Variants in SCYL2 observed in about 807,000 individuals in gnomAD.
The protein encoded by SCYL2 is SCY1 like pseudokinase 2.
A neutral mutation model predicts 100.4 loss-of-function variants in SCYL2; 36 were observed. The ratio of observed to expected loss-of-function variants is 0.36; its 90% CI spans 0.27 to 0.47. SCYL2 has a LOEUF of 0.47. Among genes scored for constraint, SCYL2 ranks in the 20% least tolerant of loss-of-function variants. SCYL2 has a pLI of 1.00. For synonymous variants in SCYL2, 330 were observed against 359.2 expected, an observed-to-expected ratio of 0.92 and a Z score of 0.92; for missense variants, 902 against 1,083.9, an observed-to-expected ratio of 0.83 and a Z score of 2.36.
Position 100,287,235 on chromosome 12 carries a change from G to GC in SCYL2, c.177+4089dup, listed in dbSNP as rs1327219457. Among the ~76,000 whole-genome samples, 6 of 152,306 alleles carry GC rather than the reference G, an allele frequency of 3.9e-5. 1 individual carries two copies. The highest frequency in any genetic ancestry group is 1.4e-4 in the African/African-American group (6 of 41,572). ...ACTTAAGTATCTTGTTATCAACAGA[G>GC]CTCAACTTTGTAGTAAGCAAAATAG... On this transcript the variant is annotated intron_variant, in intron 2 of 17. Coordinates refer to ENST00000360820, the MANE Select transcript of SCYL2 (RefSeq NM_017988.6).
chr12:100,341,270 A>G lies in SCYL2; in HGVS notation c.*2098A>G, dbSNP rs1952349606. 6.6e-6 allele frequency: 1 copy of G among 151,998 alleles called. No individual in the cohort carries two copies. The highest frequency in any genetic ancestry group is 6.6e-5 in the Admixed American group (1 of 15,258). The allele number at this position is 151,998 out of a possible 1,614,324, so 9.4% of individuals were successfully genotyped here. A position where few individuals can be genotyped will look rare whatever the true frequency, so the allele number is the denominator to read the frequency against. On this transcript the variant is annotated 3_prime_UTR_variant, in exon 18 of 18. Coordinates refer to ENST00000360820, the MANE Select transcript of SCYL2 (RefSeq NM_017988.6). ...GAAATTGCCTCTGAAAAATAGTGCT[A>G]TTTTTCAGCTTAAGTGTTCTTAAGT...
intron 3 of SCYL2, 111 bp downstream of exon 3, chr12:100,291,771 A>C: frequency 4.9e-6 from 5 of 1,010,562 alleles, no homozygotes; most frequent in Non-Finnish European, 7.1e-6. Flanking sequence ...TTATACTCTA[A>C]GTGTTGAGTT....
rs1365756225 is a variant in SCYL2, at chr12:100,341,292, A to T, written c.*2120A>T. ...GCTATTTTTCAGCTTAAGTGTTCTT[A>T]AGTGAATGAAATTTTCAAAGTACTA... On this transcript the variant is annotated 3_prime_UTR_variant, in exon 18 of 18. Coordinates refer to ENST00000360820, the MANE Select transcript of SCYL2 (RefSeq NM_017988.6). The T allele has an allele frequency of 6.6e-6, 1 of 152,138 alleles. No homozygotes were observed. Among genetic ancestry groups the T allele is most frequent in the Non-Finnish European group, 1.5e-5 (1 of 67,980 alleles). The allele number at this position is 152,138 out of a possible 1,614,324, so 9.4% of individuals were successfully genotyped here.
chr12:100,271,973 G>C (rs563168343), intron 1 of SCYL2, among the ~76,000 whole-genome samples: 5 of 152,108 alleles, frequency 3.3e-5, no homozygotes, highest in Non-Finnish European at 5.9e-5. Flanking sequence ...TCAGCTACCT[G>C]CTGTCAGATG....
rs1031924820 is a variant in SCYL2, at chr12:100,267,335, G to A, written c.-486G>A. The A allele has an allele frequency of 2.6e-6, 1 of 382,032 alleles. No homozygotes were observed. Among genetic ancestry groups the A allele is most frequent in the African/African-American group, 2.1e-5 (1 of 48,074 alleles). The allele number at this position is 382,032 out of a possible 1,614,324, so 23.7% of individuals were successfully genotyped here. The stretch of plus-strand genomic sequence containing the variant: ...AAGGCAGAGCAGGAACAGCCAGGAG[G>A]CGTTTATTAGGGGGGCGGGGGGAAA... On this transcript the variant is annotated 5_prime_UTR_variant, in exon 1 of 18. Transcript: ENST00000360820.
intron 2 of SCYL2, among the ~76,000 whole-genome samples, chr12:100,290,901 GGATGTGTGCTTT>G (rs2096309777): frequency 6.6e-6 from 1 of 152,148 alleles, no homozygotes; most frequent in African/African-American, 2.4e-5. Flanking sequence ...ATGGTAAGGA[GGATGTGTGCTTT>G]TAGTAGTATA....
chr12:100,313,343 A>C lies in SCYL2; in HGVS notation c.853-79A>C, dbSNP rs913473872. On this transcript the variant is annotated intron_variant, in intron 6 of 17. Transcript: ENST00000360820. ...TATATTTGTAGTAAAATATTGAGTA[A>C]ATTTTTAAATGTTTTCTTAAATGTA... 4.9e-6 allele frequency: 3 copies of C among 612,080 alleles called. No individual in the cohort carries two copies. In the Admixed American group the frequency reaches 8.7e-5, roughly 18 times the overall value. 37.9% of individuals were successfully genotyped at this position (612,080 alleles called of 1,614,324 possible). A position where few individuals can be genotyped will look rare whatever the true frequency, so the allele number is the denominator to read the frequency against.
chr12:100,311,065 T>C lies in SCYL2; in HGVS notation c.502T>C (p.Leu168=). 6.3e-7 allele frequency: 1 copy of C among 1,586,676 alleles called. No homozygotes were observed. The highest frequency in any genetic ancestry group is 8.6e-7 in the Non-Finnish European group (1 of 1,169,236). Residue 168 remains leucine, a synonymous_variant, in exon 5 of 18, where the codon TTG becomes CTG. Transcript: ENST00000360820. ...LLQVSEGLSF[L]HSSVKMVHGN... is the part of the protein sequence containing the mutation. Reference sequence around the variant, plus strand: ...ACAGGTTTCTGAAGGATTGTCATTCTTGCATAGCAGTGTGAAAATGGTGCA... The same window carrying C: ...ACAGGTTTCTGAAGGATTGTCATTCCTGCATAGCAGTGTGAAAATGGTGCA...
chr12:100,277,583 C>T (rs1450935878), intron 1 of SCYL2, among the ~76,000 whole-genome samples: 4 of 152,054 alleles, frequency 2.6e-5, no homozygotes, highest in African/African-American at 9.7e-5. Flanking sequence ...ATTCTTTTAC[C>T]TGTGTTTTTA....
chr12:100,338,773 T>C lies in SCYL2; in HGVS notation c.2391T>C (p.Ser797=), dbSNP rs1388685706. ...ATACAAACCAGAACTTCTACAGTAGTCCAAGCACAGTTGGAGTGACCAAGA... is the reference window on the plus strand; with the variant it reads ...ATACAAACCAGAACTTCTACAGTAGCCCAAGCACAGTTGGAGTGACCAAGA... The part of the protein sequence containing the change: ...PVNTNQNFYS[S]PSTVGVTKMT... The change falls in exon 18 of 18, where the codon AGT becomes AGC. Residue 797 remains serine (S), a synonymous_variant. Transcript: ENST00000360820. 2 of 1,614,146 alleles carry C rather than the reference T, an allele frequency of 1.2e-6. No individual in the cohort carries two copies. Among genetic ancestry groups the C allele is most frequent in the Non-Finnish European group, 1.7e-6 (2 of 1,180,004 alleles).
At chr12:100,333,913 CATT>C (rs1952242758) in intron 13 of SCYL2, 1 of 311,964 alleles carries the variant, frequency 3.2e-6, no homozygotes, top group East Asian at 7.0e-5. Flanking sequence ...GAGTAAAACT[CATT>C]ATTGAGACAT....
intron 5 of SCYL2, among the ~76,000 whole-genome samples, chr12:100,312,145 C>G (rs954165720): frequency 6.6e-6 from 1 of 152,166 alleles, no homozygotes; most frequent in Non-Finnish European, 1.5e-5. Flanking sequence ...ACTTTTGAAG[C>G]CTGTGTATCA....
At chr12:100,335,993 TCAG>T (rs1455944244) in intron 16 of SCYL2, 87 bp downstream of exon 16, 1 of 913,536 alleles carries the variant, frequency 1.1e-6, no homozygotes, top group Non-Finnish European at 1.8e-6. Flanking sequence ...GAAATACTGT[TCAG>T]CAGCTTAACA....
chr12:100,295,768 GACGGGA>G (rs1309505846), intron 3 of SCYL2, among the ~76,000 whole-genome samples: 1 of 143,992 alleles, frequency 6.9e-6, no homozygotes, highest in African/African-American at 2.7e-5. Context: ...ACCGTGGGGA[GACGGGA>G]GAGGGAGAGG....
At chr12:100,328,610 A>G (rs542221425) in intron 12 of SCYL2, among the ~76,000 whole-genome samples, 1 of 152,344 alleles carries the variant, frequency 6.6e-6, no homozygotes, top group Non-Finnish European at 1.5e-5. Flanking sequence ...CATTCAGAGA[A>G]TGAGGCGGAA....
At chr12:100,267,924 G>A (rs1221084783) in intron 1 of SCYL2, 132 bp downstream of exon 1, 1 of 152,248 alleles carries the variant, frequency 6.6e-6, no homozygotes, top group African/African-American at 2.4e-5. Context: ...GTGTGAGGTG[G>A]GTGGGGCAGG....
At chr12:100,309,352 T>C (rs2096339017) in intron 4 of SCYL2, among the ~76,000 whole-genome samples, 1 of 152,206 alleles carries the variant, frequency 6.6e-6, no homozygotes, top group Admixed American at 6.5e-5. Flanking sequence ...TCTGAAACTC[T>C]GCCCCTGAAA....
intron 10 of SCYL2, among the ~76,000 whole-genome samples, chr12:100,318,626 G>A (rs372415818): frequency 1.3e-5 from 2 of 152,080 alleles, no homozygotes; most frequent in East Asian, 1.9e-4. Flanking sequence ...GCCATTGGGC[G>A]TGGCCACGTG....
In SCYL2 at chr12:100,269,984, A is replaced by T. The variant is rs186997479; in HGVS notation, c.-29+2192A>T. Among the ~76,000 whole-genome samples the T allele has an allele frequency of 4.7e-3, 715 of 150,768 alleles. 6 individuals carry two copies. Among genetic ancestry groups the T allele is most frequent in the Middle Eastern group, 0.021 (6 of 292 alleles). On this transcript the variant is annotated intron_variant, in intron 1 of 17. Coordinates refer to ENST00000360820, the MANE Select transcript of SCYL2 (RefSeq NM_017988.6). ...TTTCATACATTGTATTTGAGATTTTATACTTTTTTTTTTTTTTTGTGAGAC... is the reference window on the plus strand; with the variant it reads ...TTTCATACATTGTATTTGAGATTTTTTACTTTTTTTTTTTTTTTGTGAGAC...
Sources: allele counts gnomAD v4.1 joint callset (sites outside exome capture counted in the v4.1 genomes callset), GRCh38; gene constraint gnomAD v4.1.1; transcripts MANE v1.5; gene names NCBI Gene and HGNC (gene_info 2026-07-23, HGNC 2026-07-21).